Variants in TMOD2 observed in about 807,000 individuals in gnomAD.
TMOD2 encodes tropomodulin 2, also known as tropomodulin-2.
A neutral mutation model predicts 39.9 loss-of-function variants in TMOD2; 22 were observed. That is an observed-to-expected ratio of 0.55 (90% CI 0.39 to 0.79). TMOD2 has a LOEUF of 0.79. Among genes scored for constraint, TMOD2 ranks in the 30% least tolerant of loss-of-function variants. The probability of loss-of-function intolerance (pLI) is 0.00; values close to 1 mark genes in which losing one functional copy is unlikely to be tolerated. For synonymous variants in TMOD2, 123 were observed against 146.1 expected (o/e 0.84, Z 1.14); for missense variants, 386 against 413.3 (o/e 0.93, Z 0.57).
intron 1 of TMOD2, among the ~76,000 whole-genome samples, chr15:51,758,713 C>A (rs945389101): frequency 1.1e-4 from 16 of 152,146 alleles, no homozygotes; most frequent in African/African-American, 3.6e-4. Context: ...AAAGGGGTAG[C>A]ATGGAGATGG....
intron 1 of TMOD2, among the ~76,000 whole-genome samples, chr15:51,763,834 T>C (rs1178596555): frequency 6.6e-6 from 1 of 152,202 alleles, no homozygotes; most frequent in Non-Finnish European, 1.5e-5. Flanking sequence ...TAGGACACCA[T>C]GAATTCTAAG....
At chr15:51,754,494 C>T (rs971023564) in intron 1 of TMOD2, among the ~76,000 whole-genome samples, 2 of 152,204 alleles carry the variant, frequency 1.3e-5, no homozygotes, top group African/African-American at 4.8e-5. Flanking sequence ...TCAACTCTTA[C>T]AACACTTAAT....
At chr15:51,759,691 G>A (rs1470864882) in intron 1 of TMOD2, among the ~76,000 whole-genome samples, 1 of 152,208 alleles carries the variant, frequency 6.6e-6, no homozygotes, top group Non-Finnish European at 1.5e-5. Flanking sequence ...GATAGGCCAT[G>A]AGAATAGAGA....
chr15:51,763,502 A>G (rs1286026699), intron 1 of TMOD2, among the ~76,000 whole-genome samples: 1 of 152,176 alleles, frequency 6.6e-6, no homozygotes, highest in African/African-American at 2.4e-5. Context: ...TGTGCCATCG[A>G]GTGGTAATTT....
intron 8 of TMOD2, among the ~76,000 whole-genome samples, chr15:51,805,161 T>C (rs1361849844): frequency 1.3e-5 from 2 of 151,826 alleles, no homozygotes; most frequent in Admixed American, 6.6e-5. Flanking sequence ...CGTTTCACCA[T>C]GTTGCCCGGG....
In TMOD2 at chr15:51,798,246, T is replaced by G. The variant is rs2056065328; in HGVS notation, c.782T>G (p.Ile261Arg). ...KVNKTLTSLNIESNFITGTGI... is the reference protein window; with the variant it reads ...KVNKTLTSLNRESNFITGTGI... Reference sequence around the variant, plus strand: ...AACAAGACCTTGACAAGTCTAAACATAGAATCCAATTTTATCACTGGAACT... The same window carrying G: ...AACAAGACCTTGACAAGTCTAAACAGAGAATCCAATTTTATCACTGGAACT... The change falls in exon 8 of 10, where the codon ATA becomes AGA. Residue 261 changes from isoleucine to arginine, a missense_variant. Transcript: ENST00000249700. 6.2e-7 allele frequency: 1 copy of G among 1,613,888 alleles called. No individual in the cohort carries two copies. The highest frequency in any genetic ancestry group is 1.3e-5 in the African/African-American group (1 of 74,920).
chr15:51,795,835 A>T (rs2056047769), intron 7 of TMOD2, among the ~76,000 whole-genome samples: 1 of 151,168 alleles, frequency 6.6e-6, no homozygotes, highest in African/African-American at 2.4e-5. Context: ...ATTTTCTTTT[A>T]TTTCAATGTA....
chr15:51,799,604 G>C (rs2056075223), intron 8 of TMOD2, among the ~76,000 whole-genome samples: 1 of 152,186 alleles, frequency 6.6e-6, no homozygotes, highest in South Asian at 2.1e-4. Context: ...CCTAGACACA[G>C]AGATGTGGAG....
rs564415923 is a variant in TMOD2, at chr15:51,757,996, C to G, written c.-70+6284C>G. Among the ~76,000 whole-genome samples the G allele has an allele frequency of 3.7e-4, 56 of 152,144 alleles. 2 individuals are homozygous for G. In the South Asian group the frequency reaches 0.011, roughly 30 times the overall value. ...GGGGAATACTGAGGCAAGAGGTTCA[C>G]TTAAGCTCAGGAGTACAAGGCTGCA... is the stretch of plus-strand genomic sequence containing the variant. On this transcript the variant is annotated intron_variant, in intron 1 of 9. Transcript: ENST00000249700.
rs894579174 is a variant in TMOD2, at chr15:51,755,042, T to C, written c.-70+3330T>C. 3.3e-5 allele frequency among the ~76,000 whole-genome samples: 5 copies of C among 152,350 alleles called. No homozygotes were observed. The East Asian group carries it at 9.6e-4, about 29-fold the overall frequency. ...TTCAGTTTCTGGTTTTAATGGATCA[T>C]AACAGTTTGACCCCAGTCTACTTTT... On this transcript the variant is annotated intron_variant, in intron 1 of 9. Coordinates refer to ENST00000249700, the MANE Select transcript of TMOD2 (RefSeq NM_014548.4).
In TMOD2 at chr15:51,801,275, A is replaced by G. The variant is rs796647859; in HGVS notation, c.876+2935A>G. 1.8e-4 allele frequency among the ~76,000 whole-genome samples: 25 copies of G among 140,948 alleles called. 1 individual carries two copies. The highest frequency in any genetic ancestry group is 6.6e-4 in the African/African-American group (25 of 37,756). 92.5% of individuals were successfully genotyped at this position (140,948 alleles called of 152,430 possible). On this transcript the variant is annotated intron_variant, in intron 8 of 9. Transcript: ENST00000249700. ...CACACACACACACACACACACACAC[A>G]CACACACACCCTGTCTCTCTCTCTC...
intron 8 of TMOD2, among the ~76,000 whole-genome samples, chr15:51,799,587 C>T (rs1422198054): frequency 2.0e-5 from 3 of 152,318 alleles, no homozygotes; most frequent in South Asian, 2.1e-4. Flanking sequence ...GCCACCAAAA[C>T]GGCTTTCCTA....
intron 5 of TMOD2, among the ~76,000 whole-genome samples, chr15:51,778,957 T>C (rs946796480): frequency 5.3e-5 from 8 of 151,912 alleles, no homozygotes; most frequent in African/African-American, 1.9e-4. Context: ...CAATGAGCAA[T>C]ATTCCTTTTA....
intron 1 of TMOD2, among the ~76,000 whole-genome samples, chr15:51,754,928 C>T (rs2055731986): frequency 6.6e-6 from 1 of 152,186 alleles, no homozygotes; most frequent in Non-Finnish European, 1.5e-5. Flanking sequence ...GCCTTTAATG[C>T]ATTTTTGAGT....
At chr15:51,769,377 A>T (rs2055838224) in intron 3 of TMOD2, among the ~76,000 whole-genome samples, 1 of 152,208 alleles carries the variant, frequency 6.6e-6, no homozygotes, top group Non-Finnish European at 1.5e-5. Flanking sequence ...AGTCTAGTGC[A>T]GTCATTCATG....
chr15:51,767,068 CA>C (rs1468850317), intron 2 of TMOD2: 3 of 152,294 alleles, frequency 2.0e-5, no homozygotes, highest in African/African-American at 7.2e-5. Context: ...CTCTGTCACC[CA>C]GGCTGGAGTG....
intron 1 of TMOD2, chr15:51,756,350 A>AC (rs2055741712): frequency 6.6e-6 from 1 of 152,242 alleles, no homozygotes; most frequent in Admixed American, 6.5e-5. Flanking sequence ...AACACCTAAA[A>AC]CACGAGATTA....
intron 7 of TMOD2, among the ~76,000 whole-genome samples, chr15:51,789,828 C>A (rs549284042): frequency 6.6e-6 from 1 of 152,188 alleles, no homozygotes; most frequent in Non-Finnish European, 1.5e-5. Context: ...AAAGACACAG[C>A]GTACCAGAAT....
At chr15:51,802,374 C>A (rs1448768615) in intron 8 of TMOD2, among the ~76,000 whole-genome samples, 1 of 152,106 alleles carries the variant, frequency 6.6e-6, no homozygotes, top group Non-Finnish European at 1.5e-5. Flanking sequence ...ATAGAGAAAA[C>A]CCTAAAGAAA....
Sources: gnomAD v4.1 joint callset for allele counts (sites outside exome capture counted in the v4.1 genomes callset) on GRCh38, gnomAD v4.1.1 for gene constraint, MANE v1.5 for transcripts, NCBI Gene and HGNC (gene_info 2026-07-23, HGNC 2026-07-21) for gene names.